The following NFIA variants were observed in gnomAD, a reference collection of about 807,000 sequenced individuals.
NFIA encodes nuclear factor I A.
In NFIA, 8 loss-of-function variants were observed where a neutral mutation model predicts 62.8. The observed-to-expected ratio is 0.13, with a 90% CI of 0.07 to 0.23. NFIA has a LOEUF of 0.23. NFIA is among the 10% of genes least tolerant of loss of function. The pLI, the probability that NFIA is intolerant of heterozygous loss-of-function variation, is 1.00. For missense variants in NFIA, 410 were observed against 642.1 expected (o/e 0.64, Z 3.91); for synonymous variants, 235 against 238.1 (o/e 0.99, Z 0.12).
chr1:61,132,383 C>G lies in NFIA; in HGVS notation c.559+43703C>G, dbSNP rs534455230. Among the ~76,000 whole-genome samples, 2 of 152,102 alleles carry G rather than the reference C, an allele frequency of 1.3e-5. 1 individual carries two copies. The highest frequency in any genetic ancestry group is 4.1e-4 in the South Asian group (2 of 4,830). On this transcript the variant is annotated intron_variant, in intron 2 of 10. Transcript: ENST00000403491. ...ACCATCAGTTTCAGTATTCTTTTCA[C>G]GATATTAATGTTATGAAAACTGTTA... is the stretch of plus-strand genomic sequence containing the variant.
At chr1:61,135,093 G>A (rs1306248026) in intron 2 of NFIA, among the ~76,000 whole-genome samples, 1 of 152,172 alleles carries the variant, frequency 6.6e-6, no homozygotes, top group East Asian at 1.9e-4. Context: ...CAAATAATAT[G>A]GAGGTTCTTT....
At chr1:61,253,133 A>G (rs959317549) in intron 2 of NFIA, among the ~76,000 whole-genome samples, 9 of 152,216 alleles carry the variant, frequency 5.9e-5, no homozygotes, top group Non-Finnish European at 8.8e-5. Flanking sequence ...GGAGTGTTAT[A>G]CAACATGGAA....
intron 2 of NFIA, among the ~76,000 whole-genome samples, chr1:61,257,314 A>AT (rs1334401353): frequency 1.4e-5 from 1 of 69,750 alleles, no homozygotes; most frequent in Non-Finnish European, 3.3e-5. Flanking sequence ...TGTTTTTTAT[A>AT]TTTTTTACTG....
Position 61,460,204 on chromosome 1 carries a change from G to A in NFIA, c.*4884G>A, listed in dbSNP as rs1186731188. 3.3e-5 allele frequency: 5 copies of A among 152,268 alleles called. No individual in the cohort carries two copies. Among genetic ancestry groups the A allele is most frequent in the Admixed American group, 6.5e-5 (1 of 15,298 alleles). 9.4% of individuals were successfully genotyped at this position (152,268 alleles called of 1,614,324 possible). The stretch of plus-strand genomic sequence containing the variant: ...GTATTTACTGTTTGACAGTAAACCC[G>A]CTCTGCCTTCTCCACGTCCAAGGCT... On this transcript the variant is annotated 3_prime_UTR_variant, in exon 11 of 11. Coordinates refer to ENST00000403491, the MANE Select transcript of NFIA (RefSeq NM_001134673.4).
At chr1:61,304,755 C>T (rs1283908109) in intron 3 of NFIA, among the ~76,000 whole-genome samples, 2 of 152,078 alleles carry the variant, frequency 1.3e-5, no homozygotes, top group Admixed American at 1.3e-4. Flanking sequence ...CCCTGAGATA[C>T]CCAGCTGTAT....
intron 3 of NFIA, among the ~76,000 whole-genome samples, chr1:61,294,054 G>T (rs1240812951): frequency 6.6e-6 from 1 of 152,192 alleles, no homozygotes; most frequent in Admixed American, 6.5e-5. Context: ...ATGACCAGTG[G>T]TCAGATTCCC....
chr1:61,325,932 C>CAAAAAAA (rs36122626), intron 3 of NFIA, among the ~76,000 whole-genome samples: 1 of 87,910 alleles, frequency 1.1e-5, no homozygotes, highest in African/African-American at 4.6e-5. Flanking sequence ...GACTCTGTCT[C>CAAAAAAA]AAAAAAAAAA....
intron 5 of NFIA, 21 bp downstream of exon 5, chr1:61,352,588 T>C (rs1426543273): frequency 1.9e-6 from 3 of 1,558,874 alleles, no homozygotes; most frequent in Admixed American, 1.7e-5. Context: ...TGGCAGCTCT[T>C]GAAGAAATTA....
intron 10 of NFIA, among the ~76,000 whole-genome samples, chr1:61,452,254 AATTATT>A (rs57519983): frequency 0.19 from 27,744 of 148,134 alleles, 2,642 homozygotes; most frequent in East Asian, 0.34. Flanking sequence ...GAGATGTATG[AATTATT>A]ATTATTATTA....
At chr1:61,360,243 A>C (rs1663212729) in intron 6 of NFIA, among the ~76,000 whole-genome samples, 1 of 152,114 alleles carries the variant, frequency 6.6e-6, no homozygotes, top group Non-Finnish European at 1.5e-5. Context: ...ACTATTTGAA[A>C]CCCTTTCCAA....
intron 2 of NFIA, among the ~76,000 whole-genome samples, chr1:61,129,929 T>TCTTC (rs1647044467): frequency 6.6e-6 from 1 of 152,130 alleles, no homozygotes; most frequent in South Asian, 2.1e-4. Context: ...GACTGTGCAC[T>TCTTC]GAAGAAAGGG....
intron 2 of NFIA, among the ~76,000 whole-genome samples, chr1:61,200,778 C>CA (rs776453598): frequency 6.6e-6 from 1 of 151,962 alleles, no homozygotes; most frequent in African/African-American, 2.4e-5. Flanking sequence ...CTAAACAAAC[C>CA]AAAAAACCTC....
chr1:61,325,517 TAA>T (rs1660884385), intron 3 of NFIA, among the ~76,000 whole-genome samples: 1 of 152,208 alleles, frequency 6.6e-6, no homozygotes, highest in African/African-American at 2.4e-5. Flanking sequence ...CATCACCATT[TAA>T]AGTTACATGG....
intron 2 of NFIA, among the ~76,000 whole-genome samples, chr1:61,190,095 C>T (rs1047004639): frequency 6.6e-6 from 1 of 152,136 alleles, no homozygotes; most frequent in African/African-American, 2.4e-5. Flanking sequence ...ACACAGGTAG[C>T]GTTGGAAGCC....
intron 3 of NFIA, among the ~76,000 whole-genome samples, chr1:61,285,192 G>C (rs1327684314): frequency 6.6e-6 from 1 of 152,044 alleles, no homozygotes; most frequent in Non-Finnish European, 1.5e-5. Context: ...TAGTATGACA[G>C]GACCCTTTGA....
intron 3 of NFIA, among the ~76,000 whole-genome samples, chr1:61,324,144 G>A (rs1660814515): frequency 6.6e-6 from 1 of 152,148 alleles, no homozygotes; most frequent in Admixed American, 6.5e-5. Flanking sequence ...TTCCAAGGAG[G>A]GAGTCTGGTT....
Position 61,406,557 on chromosome 1 carries a change from C to G in NFIA, c.1255-5C>G, listed in dbSNP as rs112330173. The G allele has an allele frequency of 3.6e-5, 48 of 1,317,556 alleles. 1 individual carries two copies. The African/African-American group carries it at 6.7e-4, about 18-fold the overall frequency. The allele number at this position is 1,317,556 out of a possible 1,614,324, so 81.6% of individuals were successfully genotyped here. On this transcript the variant is annotated splice_polypyrimidine_tract_variant and splice_region_variant and intron_variant, in intron 8 of 10. Coordinates refer to ENST00000403491, the MANE Select transcript of NFIA (RefSeq NM_001134673.4). ...GTGTGTTTTCTGCCCCCCCCCCCCC[C>G]ACAGCCCAATGGGAGCAGCCAAGGC...
chr1:61,217,367 C>G (rs547992893), intron 2 of NFIA, among the ~76,000 whole-genome samples: 3 of 152,056 alleles, frequency 2.0e-5, no homozygotes, highest in Non-Finnish European at 4.4e-5. Flanking sequence ...CCTGCCTGGC[C>G]GATTAAACTT....
intron 4 of NFIA, among the ~76,000 whole-genome samples, chr1:61,335,429 G>C (rs182620949): frequency 6.6e-6 from 1 of 152,318 alleles, no homozygotes; most frequent in African/African-American, 2.4e-5. Context: ...GCATTGCCTT[G>C]CAAGGCTGCC....
Sources: allele counts gnomAD v4.1 joint callset (sites outside exome capture counted in the v4.1 genomes callset), GRCh38; gene constraint gnomAD v4.1.1; transcripts MANE v1.5; gene names NCBI Gene and HGNC (gene_info 2026-07-23, HGNC 2026-07-21).